The following DNM3 variants were observed in gnomAD, a reference collection of about 807,000 sequenced individuals.
DNM3 encodes the protein dynamin-3.
In DNM3, 47 loss-of-function variants were observed where a neutral mutation model predicts 101.6. The observed-to-expected ratio is 0.46, with a 90% CI of 0.37 to 0.59. DNM3 has a LOEUF of 0.59. DNM3 is among the 20% of genes least tolerant of loss of function. The pLI is 0.00. For missense variants in DNM3, 849 were observed against 1,085.7 expected (o/e 0.78, Z 3.06); for synonymous variants, 385 against 387.9 (o/e 0.99, Z 0.09).
At chr1:172,268,186 T>C (rs779100567) in intron 15 of DNM3, among the ~76,000 whole-genome samples, 4 of 152,076 alleles carry the variant, frequency 2.6e-5, no homozygotes, top group Non-Finnish European at 4.4e-5. Flanking sequence ...ATGAGGGTAA[T>C]GTTTATTTGT....
chr1:171,962,491 C>T (rs1372708227), intron 2 of DNM3, among the ~76,000 whole-genome samples: 2 of 152,126 alleles, frequency 1.3e-5, no homozygotes, highest in Non-Finnish European at 2.9e-5. Flanking sequence ...CAAAATATCA[C>T]AGACTGGGTA....
intron 14 of DNM3, among the ~76,000 whole-genome samples, chr1:172,149,392 A>T (rs1280104491): frequency 1.3e-5 from 2 of 152,176 alleles, no homozygotes; most frequent in Non-Finnish European, 2.9e-5. Context: ...TACCAGTCGC[A>T]AGAAAGTAAA....
intron 14 of DNM3, among the ~76,000 whole-genome samples, chr1:172,135,397 A>G (rs1288584544): frequency 6.6e-6 from 1 of 152,192 alleles, no homozygotes; most frequent in Non-Finnish European, 1.5e-5. Context: ...TCAAAATTAA[A>G]TTATTGAATT....
intron 14 of DNM3, among the ~76,000 whole-genome samples, chr1:172,233,094 C>G (rs2061401133): frequency 6.6e-6 from 1 of 152,120 alleles, no homozygotes; most frequent in Non-Finnish European, 1.5e-5. Flanking sequence ...TCAGTGAATC[C>G]AGAACCTAGT....
At chr1:172,275,714 T>A (rs1449825980) in intron 15 of DNM3, among the ~76,000 whole-genome samples, 1 of 152,118 alleles carries the variant, frequency 6.6e-6, no homozygotes, top group Non-Finnish European at 1.5e-5. Context: ...CACTGTCAGG[T>A]GCTGCTACTC....
At chr1:171,993,417 C>A (rs2045770605) in intron 4 of DNM3, among the ~76,000 whole-genome samples, 1 of 151,442 alleles carries the variant, frequency 6.6e-6, no homozygotes, top group Admixed American at 6.6e-5. Flanking sequence ...ACCATCTGAC[C>A]TCCATGGTCA....
In DNM3 at chr1:172,285,713, A is replaced by G. The variant is rs898289253; in HGVS notation, c.1770-23015A>G. Among the ~76,000 whole-genome samples the G allele has an allele frequency of 5.3e-5, 8 of 152,352 alleles. No homozygotes were observed. In the South Asian group the frequency reaches 1.4e-3, roughly 28 times the overall value. On this transcript the variant is annotated intron_variant, in intron 15 of 20. Coordinates refer to ENST00000627582, the MANE Select transcript of DNM3 (RefSeq NM_015569.5). ...TAATAATACCAAGAGGTAATAATTT[A>G]GAAATAATTTGAAAGCCGAGTTTTG... is the stretch of plus-strand genomic sequence containing the variant.
At chr1:172,293,598 C>T (rs1186440665) in intron 15 of DNM3, among the ~76,000 whole-genome samples, 2 of 152,168 alleles carry the variant, frequency 1.3e-5, no homozygotes, top group Non-Finnish European at 2.9e-5. Flanking sequence ...CTGGAAGCTT[C>T]ATCGACAGAA....
At chr1:172,318,873 C>A (rs1187744671) in intron 16 of DNM3, among the ~76,000 whole-genome samples, 2 of 152,100 alleles carry the variant, frequency 1.3e-5, no homozygotes, top group Admixed American at 6.6e-5. Context: ...TCTTCACAGA[C>A]TTGGAAAAAA....
intron 13 of DNM3, among the ~76,000 whole-genome samples, chr1:172,117,447 C>G (rs992211754): frequency 1.3e-5 from 2 of 152,138 alleles, no homozygotes; most frequent in African/African-American, 4.8e-5. Flanking sequence ...CCGTCCTATT[C>G]TCATGATAGT....
rs565340381 is a variant in DNM3 at position 172,057,809 on chromosome 1, T to A, written c.1335+9059T>A. On this transcript the variant is annotated intron_variant, in intron 10 of 20. Transcript: ENST00000627582. ...AACTAACGAGCAAAATAACCAGCTA[T>A]CATCATAATGACAGGATCAAATTCA... 2.4e-3 allele frequency among the ~76,000 whole-genome samples: 364 copies of A among 151,066 alleles called. 6 individuals are homozygous for A. The highest frequency in any genetic ancestry group is 0.019 in the Admixed American group (293 of 15,114).
At chr1:172,113,059 A>T (rs1191485247) in intron 13 of DNM3, among the ~76,000 whole-genome samples, 1 of 152,172 alleles carries the variant, frequency 6.6e-6, no homozygotes, top group East Asian at 1.9e-4. Flanking sequence ...TGCCTTATTT[A>T]TTTACTGAAT....
intron 1 of DNM3, among the ~76,000 whole-genome samples, chr1:171,908,728 G>T (rs1398996956): frequency 2.0e-5 from 3 of 151,608 alleles, no homozygotes; most frequent in African/African-American, 7.3e-5. Context: ...TAATTTCTTC[G>T]CACTGAAAAC....
chr1:172,385,930 A>C (rs2069153446), intron 18 of DNM3, among the ~76,000 whole-genome samples: 2 of 152,216 alleles, frequency 1.3e-5, no homozygotes, highest in Admixed American at 1.3e-4. Flanking sequence ...TTACTTTTTT[A>C]AGCACTCAAT....
At chr1:172,381,467 A>G (rs2068900081) in intron 18 of DNM3, among the ~76,000 whole-genome samples, 1 of 151,188 alleles carries the variant, frequency 6.6e-6, no homozygotes, top group African/African-American at 2.4e-5. Context: ...CTTTTTAAAC[A>G]TATATAAAAA....
At chr1:171,963,183 G>A (rs1196833296) in intron 2 of DNM3, among the ~76,000 whole-genome samples, 3 of 152,028 alleles carry the variant, frequency 2.0e-5, no homozygotes, top group South Asian at 2.1e-4. Context: ...TGGTATACCC[G>A]GACAATGGAA....
chr1:171,951,006 C>G (rs1039117295), intron 2 of DNM3, among the ~76,000 whole-genome samples: 4 of 152,048 alleles, frequency 2.6e-5, no homozygotes, highest in Non-Finnish European at 5.9e-5. Flanking sequence ...TGTGCTGTGT[C>G]GTCTGGTCAT....
intron 1 of DNM3, among the ~76,000 whole-genome samples, chr1:171,843,382 C>T (rs1342384364): frequency 1.3e-5 from 2 of 152,066 alleles, no homozygotes; most frequent in African/African-American, 4.8e-5. Context: ...CAGTTACTTT[C>T]TTTGATTTGT....
chr1:171,849,796 C>T (rs112629708), intron 1 of DNM3, among the ~76,000 whole-genome samples: 2,615 of 152,018 alleles, frequency 0.017, 80 homozygotes, highest in African/African-American at 0.059. Flanking sequence ...GTTTTGTTTA[C>T]TTTAATTTAG....
Sources: gnomAD v4.1 joint callset for allele counts (sites outside exome capture counted in the v4.1 genomes callset) on GRCh38, gnomAD v4.1.1 for gene constraint, MANE v1.5 for transcripts, NCBI Gene and HGNC (gene_info 2026-07-23, HGNC 2026-07-21) for gene names.